Variants in DCBLD2 observed in about 807,000 individuals in gnomAD.
The protein encoded by DCBLD2 is discoidin, CUB and LCCL domain-containing protein 2.
In DCBLD2, 54 loss-of-function variants were observed where a neutral mutation model predicts 86.8. The ratio of observed to expected loss-of-function variants is 0.62; its 90% CI spans 0.50 to 0.78. The LOEUF is 0.78. DCBLD2 is among the 30% of genes least tolerant of loss of function. The probability of loss-of-function intolerance (pLI) is 0.00; values close to 1 mark genes in which losing one functional copy is unlikely to be tolerated. For missense variants in DCBLD2, 908 were observed against 954.2 expected (o/e 0.95, Z 0.64); for synonymous variants, 354 against 341.3 (o/e 1.04, Z -0.41).
chr3:98,840,893 AT>A (rs778531338), intron 3 of DCBLD2, among the ~76,000 whole-genome samples: 16 of 152,364 alleles, frequency 1.1e-4, no homozygotes, highest in Non-Finnish European at 5.9e-5. Flanking sequence ...TGCACGAAGT[AT>A]CACACATATG....
chr3:98,891,311 GA>G (rs1943658168), intron 1 of DCBLD2, among the ~76,000 whole-genome samples: 1 of 151,946 alleles, frequency 6.6e-6, no homozygotes, highest in South Asian at 2.1e-4. Context: ...TGGAATGCAG[GA>G]AGAGGAAGAA....
chr3:98,823,774 C>T (rs1449312535), intron 4 of DCBLD2, among the ~76,000 whole-genome samples: 1 of 152,178 alleles, frequency 6.6e-6, no homozygotes. Flanking sequence ...GGAGGAGATG[C>T]TAGTGTTGTC....
chr3:98,883,619 G>A (rs1943511922), intron 1 of DCBLD2, among the ~76,000 whole-genome samples: 1 of 152,124 alleles, frequency 6.6e-6, no homozygotes, highest in Non-Finnish European at 1.5e-5. Context: ...AGTTTCAGCA[G>A]CTGCTCCAAC....
At chr3:98,835,924 TCC>T (rs1942433481) in intron 3 of DCBLD2, among the ~76,000 whole-genome samples, 1 of 31,392 alleles carries the variant, frequency 3.2e-5, no homozygotes, top group East Asian at 1.5e-3. Context: ...CTTTCTTTCT[TCC>T]TTCCTTTCTT....
chr3:98,812,185 T>A (rs1559770484), intron 10 of DCBLD2, 147 bp downstream of exon 10: 4 of 1,141,922 alleles, frequency 3.5e-6, no homozygotes, highest in African/African-American at 3.2e-5. Context: ...GGGTAACCAT[T>A]TTTTTTAACA....
chr3:98,826,380 C>G (rs1942221554), intron 3 of DCBLD2, among the ~76,000 whole-genome samples: 1 of 152,208 alleles, frequency 6.6e-6, no homozygotes, highest in Non-Finnish European at 1.5e-5. Flanking sequence ...AAGGCTTTCC[C>G]ACTACTACTT....
intron 2 of DCBLD2, among the ~76,000 whole-genome samples, chr3:98,872,818 C>A (rs1163127635): frequency 6.6e-6 from 1 of 151,464 alleles, no homozygotes; most frequent in Non-Finnish European, 1.5e-5. Context: ...AAAAAATGAA[C>A]ACAACAAATA....
intron 2 of DCBLD2, among the ~76,000 whole-genome samples, chr3:98,870,547 G>A (rs1336604813): frequency 1.3e-5 from 2 of 151,482 alleles, no homozygotes; most frequent in East Asian, 3.9e-4. Flanking sequence ...GCAGGAGGCT[G>A]AGGCTGAAGT....
At chr3:98,887,791 C>T (rs1212926972) in intron 1 of DCBLD2, among the ~76,000 whole-genome samples, 1 of 152,022 alleles carries the variant, frequency 6.6e-6, no homozygotes, top group East Asian at 1.9e-4. Flanking sequence ...ACATTCCTGA[C>T]TAAACTGATA....
At chr3:98,804,924 T>A (rs1941801528) in intron 13 of DCBLD2, 1 of 152,494 alleles carries the variant, frequency 6.6e-6, no homozygotes, top group South Asian at 2.1e-4. Context: ...TGTTATAATT[T>A]CTTTTCTGTT....
intron 1 of DCBLD2, chr3:98,900,883 T>A (rs1943835296): frequency 4.7e-6 from 3 of 643,560 alleles, no homozygotes; most frequent in Non-Finnish European, 7.7e-6. Context: ...TAGCAGGGTC[T>A]CACGTCCCCC....
intron 2 of DCBLD2, among the ~76,000 whole-genome samples, chr3:98,853,659 TAGA>T (rs1223563986): frequency 2.0e-5 from 3 of 152,252 alleles, no homozygotes; most frequent in Non-Finnish European, 4.4e-5. Flanking sequence ...AATTAAGCTC[TAGA>T]AGGTGTTAAA....
chr3:98,819,475 A>C (rs1295050710), intron 7 of DCBLD2, 58 bp from the exon 8 acceptor site: 1 of 1,564,356 alleles, frequency 6.4e-7, no homozygotes, highest in Non-Finnish European at 8.8e-7. Context: ...ATGCATGTAG[A>C]CCTGCTCACT....
chr3:98,879,231 TC>T (rs1943419568), intron 2 of DCBLD2, among the ~76,000 whole-genome samples: 1 of 152,184 alleles, frequency 6.6e-6, no homozygotes, highest in African/African-American at 2.4e-5. Context: ...CCTATCCTTC[TC>T]CCTATTTCTG....
intron 3 of DCBLD2, among the ~76,000 whole-genome samples, chr3:98,827,040 G>T (rs997976834): frequency 2.0e-5 from 3 of 152,116 alleles, no homozygotes; most frequent in Non-Finnish European, 4.4e-5. Flanking sequence ...TTGAACTAGA[G>T]CTTAATAACT....
At chr3:98,822,474 C>A in intron 5 of DCBLD2, 113 bp from the exon 6 acceptor site, 1 of 1,383,486 alleles carries the variant, frequency 7.2e-7, no homozygotes, top group East Asian at 2.5e-5. Flanking sequence ...TCATAAACTT[C>A]ATAAACAAAA....
rs776491587 is a variant in DCBLD2, at chr3:98,800,668, T to C, written c.1769A>G (p.His590Arg). ...KQFLPAKAVD[H>R]EETPVRYSSS... Reference sequence around the variant, plus strand: ...GCTATAGCGAACTGGGGTTTCCTCATGGTCCACTGCTTTTGCAGGAAGAAA... The same window carrying C: ...GCTATAGCGAACTGGGGTTTCCTCACGGTCCACTGCTTTTGCAGGAAGAAA... The change falls in exon 15 of 16, where the codon CAT (histidine) becomes CGT (arginine). Residue 590 changes from histidine to arginine, a missense_variant. By Grantham distance (29) the His-to-Arg change is conservative (BLOSUM62 0). Around this residue, in one of 3 missense-constraint regions of DCBLD2, gnomAD observed 606 missense variants for 678.5 expected, o/e 0.89. Coordinates refer to ENST00000326840, the MANE Select transcript of DCBLD2 (RefSeq NM_080927.4). 2.5e-6 allele frequency: 4 copies of C among 1,613,980 alleles called. No individual in the cohort carries two copies. The highest frequency in any genetic ancestry group is 1.7e-5 in the Admixed American group (1 of 60,004).
rs751244963 is a variant in DCBLD2 at position 98,822,259 on chromosome 3, T to C, written c.799A>G (p.Ser267Gly). The C allele has an allele frequency of 6.2e-7, 1 of 1,613,966 alleles. No homozygotes were observed. The highest frequency in any genetic ancestry group is 8.5e-7 in the Non-Finnish European group (1 of 1,179,854). Residue 267 changes from serine to glycine, a missense_variant, in exon 6 of 16, where the codon AGT becomes GGT. Coordinates refer to ENST00000326840, the MANE Select transcript of DCBLD2 (RefSeq NM_080927.4). ...VISKGIPYYE[S>G]SLANNVTSVV... ...GATGTGACGTTGTTAGCCAAAGAAC[T>C]TTCATAATAGGGGATACCTTTACTA...
intron 2 of DCBLD2, among the ~76,000 whole-genome samples, chr3:98,878,193 T>C (rs868842354): frequency 2.4e-4 from 37 of 152,306 alleles, no homozygotes; most frequent in African/African-American, 7.2e-4. Context: ...AAGAGCAGCA[T>C]AGTTACAGTG....
Sources: allele counts gnomAD v4.1 joint callset (sites outside exome capture counted in the v4.1 genomes callset), GRCh38; gene constraint gnomAD v4.1.1; regional missense constraint gnomAD v4.1.1; transcripts MANE v1.5; gene names NCBI Gene and HGNC (gene_info 2026-07-23, HGNC 2026-07-21).